The following USP31 variants were observed in gnomAD, a reference collection of about 807,000 sequenced individuals.
USP31 encodes ubiquitin carboxyl-terminal hydrolase 31.
USP31 carries 44 observed loss-of-function variants against 119.4 expected under a neutral mutation model. The observed-to-expected ratio is 0.37, with a 90% CI of 0.29 to 0.47. The LOEUF is 0.47. USP31 is among the 20% of genes least tolerant of loss of function. USP31 has a pLI of 0.99. For synonymous variants in USP31, 749 were observed against 705.6 expected (o/e 1.06, Z -0.97); for missense variants, 1,643 against 1,730.2 (o/e 0.95, Z 0.89).
At chr16:23,117,532 A>C (rs1902530161) in intron 1 of USP31, among the ~76,000 whole-genome samples, 1 of 152,216 alleles carries the variant, frequency 6.6e-6, no homozygotes, top group African/African-American at 2.4e-5. Flanking sequence ...TAAAAGGGAG[A>C]AATAGTGAAA....
chr16:23,102,356 G>A lies in USP31; in HGVS notation c.1197C>T (p.Pro399=), dbSNP rs116556956. 2.2e-5 allele frequency: 36 copies of A among 1,613,372 alleles called. No individual in the cohort carries two copies. The highest frequency in any genetic ancestry group is 2.7e-5 in the Non-Finnish European group (32 of 1,179,730). Reference sequence around the variant, plus strand: ...GAATTCCTTCAGGCCTAAATATTTCGGGAGTCTCAAAGGCAAAAATGCAGT... The same window carrying A: ...GAATTCCTTCAGGCCTAAATATTTCAGGAGTCTCAAAGGCAAAAATGCAGT... ...ESDCIFAFET[P]EIFRPEGILS... Residue 399 remains proline (P), a synonymous_variant, in exon 6 of 16, where the codon CCC becomes CCT. Coordinates refer to ENST00000219689, the MANE Select transcript of USP31 (RefSeq NM_020718.4).
At chr16:23,082,084 C>T (rs149492476) in intron 12 of USP31, among the ~76,000 whole-genome samples, 1 of 152,312 alleles carries the variant, frequency 6.6e-6, no homozygotes, top group African/African-American at 2.4e-5. Context: ...AACCATACAA[C>T]AGCTTCTCAG....
chr16:23,143,585 TG>T (rs374157408), intron 1 of USP31, among the ~76,000 whole-genome samples: 9,229 of 119,592 alleles, frequency 0.077, 358 homozygotes, highest in Non-Finnish European at 0.086. Flanking sequence ...AGGGAGAGGT[TG>T]GGGGGGGGGA....
intron 6 of USP31, among the ~76,000 whole-genome samples, chr16:23,101,417 G>C (rs1319603606): frequency 2.0e-5 from 3 of 152,170 alleles, no homozygotes. Flanking sequence ...AGAAATTCCA[G>C]TAGGGAGGTG....
intron 1 of USP31, among the ~76,000 whole-genome samples, chr16:23,125,829 C>A (rs1239032320): frequency 6.6e-6 from 1 of 152,204 alleles, no homozygotes; most frequent in East Asian, 1.9e-4. Flanking sequence ...TACTATTATT[C>A]TTCTCCAGCT....
In USP31 at chr16:23,068,528, C is replaced by T. The variant is rs146941953; in HGVS notation, c.3577G>A (p.Gly1193Arg). 75 of 1,613,670 alleles carry T rather than the reference C, an allele frequency of 4.6e-5. No homozygotes were observed. In the African/African-American group the frequency reaches 6.9e-4, roughly 15 times the overall value. Residue 1193 changes from glycine to arginine, a missense_variant, in exon 16 of 16, where the codon GGG becomes AGG. Gly to Arg is a moderately radical substitution (Grantham distance 125). Coordinates refer to ENST00000219689, the MANE Select transcript of USP31 (RefSeq NM_020718.4). ...ATGGAGGAGCTCCGCACGTGCTTCCCGGCCCCCCTGCCCTCCCCTGCTCGG... is the reference window on the plus strand; with the variant it reads ...ATGGAGGAGCTCCGCACGTGCTTCCTGGCCCCCCTGCCCTCCCCTGCTCGG... ...QARAGEGRGA[G>R]KHVRSSSMAS...
Position 23,065,851 on chromosome 16 carries a change from AC to A in USP31, c.*2194del, listed in dbSNP as rs1054703101. On this transcript the variant is annotated 3_prime_UTR_variant, in exon 16 of 16. Coordinates refer to ENST00000219689, the MANE Select transcript of USP31 (RefSeq NM_020718.4). ...TTATTAAAAACCTTTGTCTAATCAA[AC>A]TATAATTGTTTCAGAGATTCAGATA... 2.6e-5 allele frequency: 4 copies of A among 152,342 alleles called. No homozygotes were observed. The highest frequency in any genetic ancestry group is 2.6e-4 in the Admixed American group (4 of 15,308). The allele number at this position is 152,342 out of a possible 1,614,324, so 9.4% of individuals were successfully genotyped here. A position where few individuals can be genotyped will look rare whatever the true frequency, so the allele number is the denominator to read the frequency against.
intron 12 of USP31, 71 bp from the exon 13 acceptor site, chr16:23,080,242 A>T: frequency 7.5e-7 from 1 of 1,332,590 alleles, no homozygotes; most frequent in Non-Finnish European, 1.0e-6. Flanking sequence ...TTTAGAGGGG[A>T]ATGTGGATCC....
chr16:23,096,009 A>C (rs2141859878), intron 6 of USP31, among the ~76,000 whole-genome samples: 1 of 152,362 alleles, frequency 6.6e-6, no homozygotes, highest in African/African-American at 2.4e-5. Context: ...TTAACCTTAA[A>C]TGTAAATGGG....
intron 8 of USP31, among the ~76,000 whole-genome samples, 162 bp from the exon 9 acceptor site, chr16:23,087,348 T>A (rs1901154755): frequency 6.6e-6 from 1 of 152,246 alleles, no homozygotes. Flanking sequence ...TAATACACTT[T>A]AAATATTATT....
At chr16:23,095,911 A>G (rs185024263) in intron 6 of USP31, among the ~76,000 whole-genome samples, 53 of 152,364 alleles carry the variant, frequency 3.5e-4, no homozygotes, top group Admixed American at 3.1e-3. Context: ...TGTAAAGACC[A>G]TCAATGCTAG....
intron 6 of USP31, among the ~76,000 whole-genome samples, chr16:23,091,680 A>G (rs1403068057): frequency 6.6e-6 from 1 of 152,234 alleles, no homozygotes. Flanking sequence ...CCTCAACATT[A>G]TAACAATTTA....
intron 1 of USP31, among the ~76,000 whole-genome samples, chr16:23,128,436 A>G (rs557325200): frequency 6.6e-6 from 1 of 152,222 alleles, no homozygotes; most frequent in Non-Finnish European, 1.5e-5. Flanking sequence ...GAATACATCA[A>G]ATATGCTTAA....
At chr16:23,070,730 T>C (rs1283766287) in intron 15 of USP31, among the ~76,000 whole-genome samples, 1 of 151,464 alleles carries the variant, frequency 6.6e-6, no homozygotes, top group Non-Finnish European at 1.5e-5. Flanking sequence ...AAAAAAATAC[T>C]CATAATCAGA....
chr16:23,072,298 C>G (rs749470566), intron 14 of USP31, 101 bp from the exon 15 acceptor site: 1 of 1,481,226 alleles, frequency 6.8e-7, no homozygotes, highest in East Asian at 2.5e-5. Context: ...AGCTGGGGGG[C>G]GTTGATGTCC....
At chr16:23,078,637 C>T (rs922107437) in intron 13 of USP31, among the ~76,000 whole-genome samples, 1 of 152,134 alleles carries the variant, frequency 6.6e-6, no homozygotes, top group African/African-American at 2.4e-5. Flanking sequence ...CATATCTGTA[C>T]CCACATCTCC....
At chr16:23,082,286 A>G (rs545687044) in intron 12 of USP31, 152 bp downstream of exon 12, 1 of 1,048,304 alleles carries the variant, frequency 9.5e-7, no homozygotes, top group Admixed American at 2.6e-5. Flanking sequence ...ACATTACCCT[A>G]AACACAGGGG....
Position 23,148,913 on chromosome 16 carries a change from C to T in USP31, c.358G>A (p.Ala120Thr). The T allele has an allele frequency of 7.4e-7, 1 of 1,347,500 alleles. No homozygotes were observed. The highest frequency in any genetic ancestry group is 9.6e-7 in the Non-Finnish European group (1 of 1,042,932). 83.5% of individuals were successfully genotyped at this position (1,347,500 alleles called of 1,614,324 possible). The change falls in exon 1 of 16, where the codon GCC becomes ACC. Residue 120 changes from alanine to threonine, a missense_variant. By Grantham distance (58) the Ala-to-Thr change is moderately conservative. Around this residue, in one of 5 missense-constraint regions of USP31, gnomAD observed 302 missense variants for 262.6 expected, o/e 1.15. Coordinates refer to ENST00000219689, the MANE Select transcript of USP31 (RefSeq NM_020718.4). ...PPASPAPPACAAEPVPGVAGL... is the reference protein window; with the variant it reads ...PPASPAPPACTAEPVPGVAGL... ...GCCACGCCGGGCACCGGCTCGGCGG[C>T]GCAAGCGGGCGGCGCGGGAGAGGCG...
chr16:23,112,230 C>T (rs1163605354), intron 1 of USP31, among the ~76,000 whole-genome samples: 6 of 152,144 alleles, frequency 3.9e-5, no homozygotes, highest in Non-Finnish European at 8.8e-5. Flanking sequence ...CACTAAATCA[C>T]CAAATTCAAG....
Sources: allele counts gnomAD v4.1 joint callset (sites outside exome capture counted in the v4.1 genomes callset), GRCh38; gene constraint gnomAD v4.1.1; regional missense constraint gnomAD v4.1.1; transcripts MANE v1.5; gene names NCBI Gene and HGNC (gene_info 2026-07-23, HGNC 2026-07-21).